SAG: variants seen among roughly 807,000 people sequenced by gnomAD.
The protein encoded by SAG is S-arrestin.
In SAG, 45 loss-of-function variants were observed where a neutral mutation model predicts 55.0. That is an observed-to-expected ratio of 0.82 (90% CI 0.64 to 1.05). The LOEUF is 1.05. Ranked by LOEUF, SAG falls within the 50% of genes least tolerant of loss-of-function variation. The pLI is 0.00. For synonymous variants in SAG, 189 were observed against 197.4 expected (o/e 0.96, Z 0.36); for missense variants, 455 against 512.1 (o/e 0.89, Z 1.08).
intron 3 of SAG, among the ~76,000 whole-genome samples, chr2:233,316,610 T>G (rs1365308686): frequency 6.6e-6 from 1 of 151,822 alleles, no homozygotes; most frequent in East Asian, 1.9e-4. Context: ...TGTGTCCGGC[T>G]GGAAAGAATT....
intron 7 of SAG, chr2:233,327,464 G>GTTGTTGT (rs1700599958): frequency 3.0e-6 from 1 of 337,464 alleles, no homozygotes; most frequent in African/African-American, 2.1e-5. Context: ...TTTTGTTGTT[G>GTTGTTGT]TTGTTTGTTT....
Position 233,329,563 on chromosome 2 carries a change from A to G in SAG, c.719A>G (p.Lys240Arg), listed in dbSNP as rs1016270654. Residue 240 changes from lysine to arginine, a missense_variant, in exon 9 of 16, where the codon AAG (lysine) becomes AGG (arginine). Transcript: ENST00000409110. ...VTNNTEKTVK[K>R]IKAFVEQVAN... ...AATAACACAGAGAAGACCGTGAAGA[A>G]GATTAAAGCATTCGGTAGGACCTTC... 2.5e-6 allele frequency: 4 copies of G among 1,609,518 alleles called. No homozygotes were observed. Among genetic ancestry groups the G allele is most frequent in the Non-Finnish European group, 3.4e-6 (4 of 1,175,970 alleles).
chr2:233,311,317 A>T (rs376615414), intron 2 of SAG, among the ~76,000 whole-genome samples: 1 of 152,096 alleles, frequency 6.6e-6, no homozygotes, highest in Non-Finnish European at 1.5e-5. Context: ...TCTCACCCAC[A>T]CTTGACAACA....
intron 5 of SAG, among the ~76,000 whole-genome samples, chr2:233,321,650 T>C (rs1001899157): frequency 2.6e-5 from 4 of 151,964 alleles, no homozygotes; most frequent in Admixed American, 1.3e-4. Context: ...GAGCTTCAGA[T>C]TGGGAAGATG....
At chr2:233,336,474 C>T (rs1017499881) in intron 11 of SAG, among the ~76,000 whole-genome samples, 1 of 151,122 alleles carries the variant, frequency 6.6e-6, no homozygotes, top group Non-Finnish European at 1.5e-5. Context: ...GAGATCGTGC[C>T]ATTGCACTCC....
Position 233,316,120 on chromosome 2 carries a change from C to T in SAG, c.121C>T (p.Gln41Ter), listed in dbSNP as rs769433617. Residue 41 changes from glutamine to a stop codon, truncating the protein, a stop_gained, in exon 3 of 16, where the codon CAA becomes TAA. Transcript: ENST00000409110. LOFTEE classifies it high-confidence loss of function. Reference protein sequence around the residue: ...GNRDYIDHVSQVQPVDGVVLV... With the variant: ...GNRDYIDHVS The stretch of plus-strand genomic sequence containing the variant: ...CAGAGACTACATAGACCATGTCAGC[C>T]AAGTCCAGCCTGTGGGTAAGTTGCT... 6.3e-7 allele frequency: 1 copy of T among 1,594,284 alleles called. No homozygotes were observed. The highest frequency in any genetic ancestry group is 1.1e-5 in the South Asian group (1 of 88,444).
At position 233,327,106 on chromosome 2, in the gene SAG, C is replaced by T; in HGVS notation, c.436-15C>T. 1 of 1,611,666 alleles carries T rather than the reference C, an allele frequency of 6.2e-7. No individual in the cohort carries two copies. Among genetic ancestry groups the T allele is most frequent in the Non-Finnish European group, 8.5e-7 (1 of 1,177,840 alleles). Reference sequence around the variant, plus strand: ...AGTCGCTGATCGCTGCCTGTCTGCTCTCTCTCCCCAACAGTCCTGTGGGGT... The same window carrying T: ...AGTCGCTGATCGCTGCCTGTCTGCTTTCTCTCCCCAACAGTCCTGTGGGGT... On this transcript the variant is annotated splice_polypyrimidine_tract_variant and intron_variant, in intron 6 of 15. Coordinates refer to ENST00000409110, the MANE Select transcript of SAG (RefSeq NM_000541.5).
At chr2:233,326,586 CAAA>C (rs35383170) in intron 6 of SAG, among the ~76,000 whole-genome samples, 1 of 123,610 alleles carries the variant, frequency 8.1e-6, no homozygotes, top group Non-Finnish European at 1.7e-5. Flanking sequence ...ACTCCATCTC[CAAA>C]AAAAAAAAAA....
rs760031511 is a variant in SAG at position 233,320,680 on chromosome 2, G to A, written c.232G>A (p.Val78Met). The A allele has an allele frequency of 7.5e-6, 12 of 1,607,114 alleles. No homozygotes were observed. The highest frequency in any genetic ancestry group is 2.7e-5 in the African/African-American group (2 of 74,806). ...CCGCTATGGCCAAGAGGACATTGAC[G>A]TGATCGGCTTGACCTTCCGCAGGGA... ...AFRYGQEDID[V>M]IGLTFRRDLY... Residue 78 changes from valine (V) to methionine (M), a missense_variant, in exon 5 of 16, where the codon GTG (valine) becomes ATG (methionine). Physicochemically the swap from Val to Met is conservative, Grantham distance 21. Transcript: ENST00000409110.
chr2:233,310,646 A>G, intron 2 of SAG, among the ~76,000 whole-genome samples: 1 of 151,860 alleles, frequency 6.6e-6, no homozygotes, highest in East Asian at 1.9e-4. Flanking sequence ...AGCTGGGACT[A>G]CAGGCATGTG....
intron 2 of SAG, among the ~76,000 whole-genome samples, chr2:233,312,155 C>A (rs1185214589): frequency 1.3e-5 from 2 of 152,114 alleles, no homozygotes; most frequent in African/African-American, 4.8e-5. Flanking sequence ...GTACCGACCT[C>A]ATGCACCTTA....
At chr2:233,321,256 C>T (rs1027432357) in intron 5 of SAG, among the ~76,000 whole-genome samples, 3 of 152,168 alleles carry the variant, frequency 2.0e-5, no homozygotes, top group African/African-American at 7.2e-5. Flanking sequence ...ATTTTCATCT[C>T]TCTGGGGGCC....
chr2:233,324,792 A>G (rs1400800299), intron 6 of SAG, among the ~76,000 whole-genome samples: 1 of 152,180 alleles, frequency 6.6e-6, no homozygotes, highest in Non-Finnish European at 1.5e-5. Context: ...AGTTTCTGTA[A>G]CTGGATTATG....
At chr2:233,329,369 A>G (rs1475746690) in intron 8 of SAG, 124 bp from the exon 9 acceptor site, 1 of 683,794 alleles carries the variant, frequency 1.5e-6, no homozygotes, top group Non-Finnish European at 2.6e-6. Flanking sequence ...CTATCACTTC[A>G]TCTTCCTTAA....
intron 5 of SAG, among the ~76,000 whole-genome samples, chr2:233,321,138 G>A (rs1049901411): frequency 6.6e-6 from 1 of 152,152 alleles, no homozygotes; most frequent in African/African-American, 2.4e-5. Flanking sequence ...AATGCCCCTC[G>A]GCCCTGGGGA....
chr2:233,342,291 C>T lies in SAG; in HGVS notation c.1067C>T (p.Pro356Leu), dbSNP rs1322359856. 6.2e-7 allele frequency: 1 copy of T among 1,608,738 alleles called. No homozygotes were observed. Among genetic ancestry groups the T allele is most frequent in the Middle Eastern group, 1.7e-4 (1 of 6,060 alleles). ...LTSSEVATEVPFRLMHPQPED... is the reference protein window; with the variant it reads ...LTSSEVATEVLFRLMHPQPED... Reference sequence around the variant, plus strand: ...TCTAGTGAAGTCGCCACTGAGGTCCCATTCCGCCTCATGCACCCTCAGCCT... The same window carrying T: ...TCTAGTGAAGTCGCCACTGAGGTCCTATTCCGCCTCATGCACCCTCAGCCT... The change falls in exon 14 of 16, where the codon CCA becomes CTA. Residue 356 changes from proline to leucine, a missense_variant. Pro to Leu is a moderately conservative substitution (Grantham distance 98). Transcript: ENST00000409110.
chr2:233,315,344 G>A (rs1455352385), intron 2 of SAG, among the ~76,000 whole-genome samples: 1 of 134,728 alleles, frequency 7.4e-6, no homozygotes, highest in African/African-American at 2.7e-5. Flanking sequence ...CCAGGCTGGA[G>A]TGCAGTGGAA....
At chr2:233,336,233 G>A (rs947609117) in intron 11 of SAG, among the ~76,000 whole-genome samples, 4 of 152,120 alleles carry the variant, frequency 2.6e-5, no homozygotes, top group Admixed American at 2.6e-4. Flanking sequence ...TGTACGACTC[G>A]GCCGGCCATG....
chr2:233,314,787 G>A (rs1316246030), intron 2 of SAG, among the ~76,000 whole-genome samples: 3 of 152,152 alleles, frequency 2.0e-5, no homozygotes, highest in Admixed American at 1.3e-4. Context: ...ACAGGGCTAC[G>A]CTTCGGGACA....
Sources: allele counts gnomAD v4.1 joint callset (sites outside exome capture counted in the v4.1 genomes callset), GRCh38; gene constraint gnomAD v4.1.1; transcripts MANE v1.5; gene names NCBI Gene and HGNC (gene_info 2026-07-23, HGNC 2026-07-21).